Variants in FUS observed in about 807,000 individuals in gnomAD.
FUS encodes RNA-binding protein FUS.
A neutral mutation model predicts 82.7 loss-of-function variants in FUS; 5 were observed. The observed-to-expected ratio is 0.06, with a 90% confidence interval of 0.03 to 0.13. The LOEUF is 0.13. FUS is among the 10% of genes least tolerant of loss of function. The probability of loss-of-function intolerance (pLI) is 1.00; values close to 1 mark genes in which losing one functional copy is unlikely to be tolerated. For synonymous variants in FUS, 281 were observed against 247.4 expected, an observed-to-expected ratio of 1.14 and a Z score of -1.27; for missense variants, 512 against 707.8, an observed-to-expected ratio of 0.72 and a Z score of 3.14.
chr16:31,180,291 C>A, intron 1 of FUS, 64 bp downstream of exon 1: 1 of 1,566,514 alleles, frequency 6.4e-7, no homozygotes, highest in Non-Finnish European at 8.7e-7. Flanking sequence ...CTGGGCTTTT[C>A]GTTTTCAGTG....
downstream of FUS, chr16:31,194,472 ATT>A: frequency 2.0e-6 from 1 of 498,814 alleles, no homozygotes; most frequent in Non-Finnish European, 3.9e-6. Context: ...TTTTTTTTGT[ATT>A]TTTTGTGGAG....
rs959552367 is a variant in FUS at position 31,191,497 on chromosome 16, G to C, written c.*59G>C. On this transcript the variant is annotated 3_prime_UTR_variant, in exon 15 of 15. Coordinates refer to ENST00000254108, the MANE Select transcript of FUS (RefSeq NM_004960.4). ...TTGTCCTGTACCCAGTGTTACCCTC[G>C]TTATTTTGTAACCTTCCAATTCCTG... 24 of 1,577,658 alleles carry C rather than the reference G, an allele frequency of 1.5e-5. No homozygotes were observed. Among genetic ancestry groups the C allele is most frequent in the Non-Finnish European group, 2.0e-5 (23 of 1,147,840 alleles).
At position 31,184,022 on chromosome 16, in the gene FUS, G is replaced by T. The variant is rs201417716; in HGVS notation, c.335+20G>T. 3 of 1,613,858 alleles carry T rather than the reference G, an allele frequency of 1.9e-6. No homozygotes were observed. The highest frequency in any genetic ancestry group is 2.5e-6 in the Non-Finnish European group (3 of 1,180,026). On this transcript the variant is annotated intron_variant, in intron 4 of 14. Transcript: ENST00000254108. ...GGGAAGGTACGGTGGTGTTGATGTC[G>T]GGGAAGGCTTGAAAAGAGGGGTGAA...
chr16:31,188,612 A>T (rs2079307356), intron 8 of FUS: 2 of 581,936 alleles, frequency 3.4e-6, no homozygotes, highest in Admixed American at 6.2e-5. Flanking sequence ...ACAAGTCCCC[A>T]GTGATGCTGA....
chr16:31,187,755 G>A (rs933376091), intron 7 of FUS: 1 of 237,462 alleles, frequency 4.2e-6, no homozygotes, highest in African/African-American at 2.2e-5. Context: ...TTTCTGGTCT[G>A]TTCCCTGGGA....
At chr16:31,180,528 T>G (rs1167197498) in intron 1 of FUS, among the ~76,000 whole-genome samples, 3 of 152,178 alleles carry the variant, frequency 2.0e-5, no homozygotes, top group Non-Finnish European at 4.4e-5. Context: ...ACGCCCATTC[T>G]CCGTGGCCTC....
downstream of FUS, chr16:31,193,813 T>A (rs1035038204): frequency 1.6e-5 from 8 of 512,704 alleles, no homozygotes; most frequent in Admixed American, 4.8e-5. Context: ...ATTTTTTTTT[T>A]AATTACTTTT....
Position 31,183,880 on chromosome 16 carries a change from T to G in FUS, c.213T>G (p.Thr71=), listed in dbSNP as rs765998802. ...SQNTGYGTQS[T]PQGYGSTGGY... The stretch of plus-strand genomic sequence containing the variant: ...TAGCAGGCTATGGAACTCAGTCAAC[T>G]CCCCAGGGATATGGCTCGACTGGCG... The change falls in exon 4 of 15, where the codon ACT becomes ACG. Residue 71 remains threonine (T), a synonymous_variant. Coordinates refer to ENST00000254108, the MANE Select transcript of FUS (RefSeq NM_004960.4). 6.2e-7 allele frequency: 1 copy of G among 1,613,984 alleles called. No homozygotes were observed. The highest frequency in any genetic ancestry group is 1.3e-5 in the African/African-American group (1 of 74,884).
downstream of FUS, chr16:31,194,524 A>G (rs911849908): frequency 6.0e-6 from 3 of 498,726 alleles, no homozygotes; most frequent in South Asian, 1.5e-5. Context: ...TCTGGTCTCA[A>G]AACTGCTCTG....
chr16:31,184,506 C>G lies in FUS; in HGVS notation c.523+110C>G, dbSNP rs533948325. On this transcript the variant is annotated intron_variant, in intron 5 of 14. Coordinates refer to ENST00000254108, the MANE Select transcript of FUS (RefSeq NM_004960.4). ...TTGCTGAGGCTGGAGTGCAGTGGCA[C>G]AATCTCGGCTCACTGCAAGCTCCGC... The G allele has an allele frequency of 1.6e-4, 173 of 1,097,192 alleles. 1 individual carries two copies. The highest frequency in any genetic ancestry group is 2.0e-4 in the Non-Finnish European group (155 of 756,570). 68.0% of individuals were successfully genotyped at this position (1,097,192 alleles called of 1,614,324 possible). A position where few individuals can be genotyped will look rare whatever the true frequency, so the allele number is the denominator to read the frequency against.
At chr16:31,194,735 A>G (rs774069857), downstream of FUS, 89 of 485,252 alleles carry the variant, frequency 1.8e-4, 1 homozygote, top group South Asian at 1.3e-3. Flanking sequence ...ATGAATGAGA[A>G]CATACAAAGC....
Position 31,183,666 on chromosome 16 carries a change from G to GT in FUS, c.191-190dup. 3 of 670,404 alleles carry GT rather than the reference G, an allele frequency of 4.5e-6. No individual in the cohort carries two copies. In the South Asian group the frequency reaches 5.0e-5, roughly 11 times the overall value. The allele number at this position is 670,404 out of a possible 1,614,324, so 41.5% of individuals were successfully genotyped here. On this transcript the variant is annotated intron_variant, in intron 3 of 14. Transcript: ENST00000254108. ...GGTGAAATTGGAACTGTACTAAAGA[G>GT]TTGGTAGAAGTTGAAGCATTAAATT...
chr16:31,183,842 T>C lies in FUS; in HGVS notation c.191-16T>C. ...TCCTGGTGGCTTTTGTGACTCCCTT[T>C]TTCTTATCCTGGTAGCAGGCTATGG... is the stretch of plus-strand genomic sequence containing the variant. On this transcript the variant is annotated splice_polypyrimidine_tract_variant and intron_variant, in intron 3 of 14. Coordinates refer to ENST00000254108, the MANE Select transcript of FUS (RefSeq NM_004960.4). The C allele has an allele frequency of 6.2e-7, 1 of 1,614,232 alleles. No individual in the cohort carries two copies. The highest frequency in any genetic ancestry group is 2.2e-5 in the East Asian group (1 of 44,894).
intron 5 of FUS, 142 bp downstream of exon 5, chr16:31,184,538 G>T: frequency 1.1e-6 from 1 of 872,454 alleles, no homozygotes; most frequent in Non-Finnish European, 1.8e-6. Context: ...CCGCCTTCCG[G>T]GTTCGCGCCA....
At chr16:31,190,651 C>A in intron 12 of FUS, 91 bp from the exon 13 acceptor site, 1 of 1,318,196 alleles carries the variant, frequency 7.6e-7, no homozygotes, top group Non-Finnish European at 1.1e-6. Flanking sequence ...AGTTTCCTCA[C>A]TGTATCTCTA....
intron 10 of FUS, 110 bp from the exon 11 acceptor site, chr16:31,189,930 G>C: frequency 1.3e-6 from 2 of 1,569,734 alleles, no homozygotes; most frequent in South Asian, 1.1e-5. Context: ...TCTCATTTTT[G>C]CTTATGTGTC....
intron 7 of FUS, 188 bp downstream of exon 7, chr16:31,187,024 A>G: frequency 1.5e-6 from 1 of 663,090 alleles, no homozygotes; most frequent in Non-Finnish European, 2.7e-6. Flanking sequence ...AGGTAGGGGT[A>G]AGACTCAATA....
At chr16:31,184,547 C>A in intron 5 of FUS, 151 bp downstream of exon 5, 1 of 811,758 alleles carries the variant, frequency 1.2e-6, no homozygotes, top group Non-Finnish European at 2.0e-6. Flanking sequence ...GGGTTCGCGC[C>A]AGTCTCCTGC....
chr16:31,193,930 A>ACC (rs1244477821), downstream of FUS: 1 of 529,524 alleles, frequency 1.9e-6, no homozygotes, highest in African/African-American at 1.9e-5. Flanking sequence ...CACAGGTGTG[A>ACC]CCCACTGCGT....
Sources: allele counts gnomAD v4.1 joint callset (sites outside exome capture counted in the v4.1 genomes callset), GRCh38; gene constraint gnomAD v4.1.1; transcripts MANE v1.5; gene names NCBI Gene and HGNC (gene_info 2026-07-23, HGNC 2026-07-21).